Variants in RPRD1B observed in about 807,000 individuals in gnomAD.
The protein encoded by RPRD1B is regulation of nuclear pre-mRNA domain containing 1B, also known as regulation of nuclear pre-mRNA domain-containing protein 1B.
RPRD1B carries 11 observed loss-of-function variants against 41.5 expected under a neutral mutation model. The ratio of observed to expected loss-of-function variants is 0.27; its 90% CI spans 0.17 to 0.44. The LOEUF (loss-of-function observed/expected upper bound fraction) is 0.44. Ranked by LOEUF, RPRD1B falls within the 20% of genes least tolerant of loss-of-function variation. The pLI is 1.00. For synonymous variants in RPRD1B, 158 were observed against 155.6 expected (o/e 1.02, Z -0.12); for missense variants, 248 against 389.9 (o/e 0.64, Z 3.06).
chr20:38,042,640 A>G (rs2074078447), intron 2 of RPRD1B, among the ~76,000 whole-genome samples: 1 of 152,138 alleles, frequency 6.6e-6, no homozygotes, highest in South Asian at 2.1e-4. Flanking sequence ...CCATGTTTCC[A>G]ATCTCCTTTC....
chr20:38,086,435 T>G (rs1361682753), intron 6 of RPRD1B, among the ~76,000 whole-genome samples: 1 of 152,240 alleles, frequency 6.6e-6, no homozygotes, highest in Non-Finnish European at 1.5e-5. Flanking sequence ...ATATACCCGG[T>G]TATCCTTGCC....
intron 2 of RPRD1B, among the ~76,000 whole-genome samples, chr20:38,048,002 C>T (rs2122705777): frequency 6.6e-6 from 1 of 152,280 alleles, no homozygotes; most frequent in Non-Finnish European, 1.5e-5. Context: ...TTCTGATCCA[C>T]TTTTAATTTC....
intron 6 of RPRD1B, among the ~76,000 whole-genome samples, chr20:38,079,506 C>T (rs2074494787): frequency 6.6e-6 from 1 of 152,106 alleles, no homozygotes; most frequent in Non-Finnish European, 1.5e-5. Flanking sequence ...TAAGTGAGAA[C>T]ATGCGGTATT....
intron 6 of RPRD1B, among the ~76,000 whole-genome samples, chr20:38,087,973 C>T (rs1307626170): frequency 1.3e-5 from 2 of 152,156 alleles, no homozygotes; most frequent in Admixed American, 6.5e-5. Context: ...CCTCCAGGAG[C>T]TTACTAGTTA....
chr20:38,066,926 A>G (rs779532143), intron 6 of RPRD1B, among the ~76,000 whole-genome samples: 35 of 152,162 alleles, frequency 2.3e-4, no homozygotes, highest in Non-Finnish European at 4.9e-4. Flanking sequence ...AAGTGCTGGG[A>G]TTACAGGTGT....
chr20:38,051,407 A>G (rs1220759503), intron 3 of RPRD1B, among the ~76,000 whole-genome samples: 4 of 152,184 alleles, frequency 2.6e-5, no homozygotes, highest in Non-Finnish European at 4.4e-5. Flanking sequence ...AGGGACTAGC[A>G]TTTATTGAGC....
intron 5 of RPRD1B, among the ~76,000 whole-genome samples, chr20:38,061,485 C>T (rs1458861113): frequency 6.6e-6 from 1 of 152,224 alleles, no homozygotes; most frequent in Non-Finnish European, 1.5e-5. Flanking sequence ...CTCATCTAGC[C>T]AAGGCCATTG....
Position 38,090,532 on chromosome 20 carries a change from GAGAC to G in RPRD1B, c.*661_*664del. On this transcript the variant is annotated 3_prime_UTR_variant, in exon 7 of 7. Transcript: ENST00000373433. ...ATCTGGAGCATAAAGGCACAGTTCA[GAGAC>G]AGAATAACAGGGATCACAAGCATGA... The G allele has an allele frequency of 1.0e-6, 1 of 985,946 alleles. No homozygotes were observed. Among genetic ancestry groups the G allele is most frequent in the Middle Eastern group, 5.2e-4 (1 of 1,914 alleles). 61.1% of individuals were successfully genotyped at this position (985,946 alleles called of 1,614,324 possible).
At chr20:38,074,224 A>G (rs1273207804) in intron 6 of RPRD1B, among the ~76,000 whole-genome samples, 1 of 151,700 alleles carries the variant, frequency 6.6e-6, no homozygotes, top group Non-Finnish European at 1.5e-5. Context: ...TATTGAGTTA[A>G]TGTGTGGGCT....
At chr20:38,087,496 T>C (rs1283020872) in intron 6 of RPRD1B, among the ~76,000 whole-genome samples, 1 of 151,840 alleles carries the variant, frequency 6.6e-6, no homozygotes, top group Non-Finnish European at 1.5e-5. Context: ...TTGCCAAGAG[T>C]GGTTGGTTCT....
intron 1 of RPRD1B, among the ~76,000 whole-genome samples, chr20:38,039,426 C>T (rs572265937): frequency 4.8e-5 from 7 of 146,088 alleles, no homozygotes; most frequent in South Asian, 4.3e-4. Flanking sequence ...TTTTTTGAGA[C>T]GGAGTTTTGC....
chr20:38,038,091 CT>C (rs895320868), intron 1 of RPRD1B, among the ~76,000 whole-genome samples: 1 of 152,096 alleles, frequency 6.6e-6, no homozygotes, highest in Non-Finnish European at 1.5e-5. Context: ...CACTTTTGTT[CT>C]GCTTTTGAAT....
chr20:38,074,851 CTA>C (rs1211299611), intron 6 of RPRD1B, among the ~76,000 whole-genome samples: 1 of 152,186 alleles, frequency 6.6e-6, no homozygotes, highest in African/African-American at 2.4e-5. Context: ...CCAGAGATAA[CTA>C]TTTTTAATTT....
chr20:38,068,546 G>A (rs1269456874), intron 6 of RPRD1B, among the ~76,000 whole-genome samples: 1 of 152,116 alleles, frequency 6.6e-6, no homozygotes, highest in East Asian at 1.9e-4. Flanking sequence ...TTATAGGCAT[G>A]TACTACCACG....
chr20:38,049,736 A>G (rs2074163834), intron 3 of RPRD1B: 1 of 471,088 alleles, frequency 2.1e-6, no homozygotes. Flanking sequence ...TTGTGGTTTA[A>G]TTCTAGTTGG....
intron 6 of RPRD1B, among the ~76,000 whole-genome samples, chr20:38,068,630 C>T (rs914970126): frequency 2.0e-5 from 3 of 152,190 alleles, no homozygotes; most frequent in Non-Finnish European, 4.4e-5. Flanking sequence ...GAACTCCTGA[C>T]GTCAAGTGAT....
intron 1 of RPRD1B, among the ~76,000 whole-genome samples, chr20:38,035,686 A>C (rs1188127051): frequency 6.6e-6 from 1 of 152,148 alleles, no homozygotes; most frequent in African/African-American, 2.4e-5. Context: ...AGTGTGCTGA[A>C]ATGTGAATTG....
intron 3 of RPRD1B, among the ~76,000 whole-genome samples, chr20:38,050,828 A>G (rs866341102): frequency 6.6e-6 from 1 of 152,204 alleles, no homozygotes; most frequent in Non-Finnish European, 1.5e-5. Flanking sequence ...TCTCTATTCT[A>G]TAAAGATGAA....
At chr20:38,073,677 T>C (rs543842182) in intron 6 of RPRD1B, among the ~76,000 whole-genome samples, 1 of 152,190 alleles carries the variant, frequency 6.6e-6, no homozygotes, top group Admixed American at 6.5e-5. Flanking sequence ...TTGTCAACTT[T>C]GGAGTAAATT....
Sources: gnomAD v4.1 joint callset for allele counts (sites outside exome capture counted in the v4.1 genomes callset) on GRCh38, gnomAD v4.1.1 for gene constraint, MANE v1.5 for transcripts, NCBI Gene and HGNC (gene_info 2026-07-23, HGNC 2026-07-21) for gene names.